KDM4B: variants seen among roughly 807,000 people sequenced by gnomAD.
KDM4B encodes the protein lysine demethylase 4B.
In KDM4B, 32 loss-of-function variants were observed where a neutral mutation model predicts 125.2. The observed-to-expected ratio is 0.26, with a 90% CI of 0.19 to 0.34. The LOEUF (loss-of-function observed/expected upper bound fraction) is 0.34. KDM4B is among the 10% of genes least tolerant of loss of function. The pLI is 1.00. For missense variants in KDM4B, 1,190 were observed against 1,577.7 expected, an observed-to-expected ratio of 0.75 and a Z score of 4.16; for synonymous variants, 721 against 677.9, an observed-to-expected ratio of 1.06 and a Z score of -0.99.
At chr19:5,052,801 G>A (rs1354420669) in intron 6 of KDM4B, among the ~76,000 whole-genome samples, 3 of 152,344 alleles carry the variant, frequency 2.0e-5, no homozygotes, top group South Asian at 2.1e-4. Context: ...GCGCGCTGGC[G>A]CCCGGGGACC....
chr19:4,990,612 G>A (rs939722223), intron 1 of KDM4B, among the ~76,000 whole-genome samples: 1 of 152,196 alleles, frequency 6.6e-6, no homozygotes, highest in African/African-American at 2.4e-5. Context: ...ATGGAAGTTG[G>A]CCTGGGGGTA....
chr19:5,073,979 A>T (rs2038025138), intron 7 of KDM4B: 1 of 152,330 alleles, frequency 6.6e-6, no homozygotes, highest in South Asian at 2.1e-4. Context: ...GTGGTGTTGT[A>T]CATCTGTAGT....
intron 1 of KDM4B, among the ~76,000 whole-genome samples, chr19:4,975,939 A>T (rs2145294674): frequency 6.7e-6 from 1 of 149,280 alleles, no homozygotes; most frequent in South Asian, 2.2e-4. Context: ...TTAGAGTCAT[A>T]TTCTAGCCTT....
intron 2 of KDM4B, among the ~76,000 whole-genome samples, chr19:5,025,071 G>T (rs1262867389): frequency 6.6e-6 from 1 of 152,274 alleles, no homozygotes; most frequent in Non-Finnish European, 1.5e-5. Flanking sequence ...GCCTCAAAAT[G>T]AGTAGAGGGG....
At chr19:5,070,717 T>C (rs985256942) in intron 6 of KDM4B, 2 of 340,266 alleles carry the variant, frequency 5.9e-6, no homozygotes, top group African/African-American at 4.2e-5. Flanking sequence ...CTCCTCGAGG[T>C]GGAGTGCCGC....
rs566051213 is a variant in KDM4B, at chr19:5,096,621, G to A, written c.919-14001G>A. ...CGCCTGTTGCCGCGGTGCCCCCGGC[G>A]GTGTCGGTGGTGCGTGTTGCCATGG... On this transcript the variant is annotated intron_variant, in intron 9 of 22. Coordinates refer to ENST00000159111, the MANE Select transcript of KDM4B (RefSeq NM_015015.3). 2.1e-4 allele frequency among the ~76,000 whole-genome samples: 31 copies of A among 150,442 alleles called. No individual in the cohort carries two copies. In the South Asian group the frequency reaches 4.2e-3, roughly 20 times the overall value.
intron 10 of KDM4B, chr19:5,111,604 G>C (rs780326053): frequency 8.3e-6 from 6 of 719,350 alleles, no homozygotes; most frequent in African/African-American, 1.7e-5. Flanking sequence ...AGGGCTCTGA[G>C]CTGCCCTTGG....
intron 1 of KDM4B, among the ~76,000 whole-genome samples, chr19:4,996,284 C>G (rs188965760): frequency 6.6e-6 from 1 of 152,286 alleles, no homozygotes; most frequent in African/African-American, 2.4e-5. Flanking sequence ...GCTACTGCAC[C>G]GAACTACTTT....
chr19:5,131,644 G>GA, intron 12 of KDM4B, 99 bp downstream of exon 12: 1 of 583,668 alleles, frequency 1.7e-6, no homozygotes, highest in Non-Finnish European at 2.8e-6. Flanking sequence ...GGCGGGGGAG[G>GA]GGGCAGGGAG....
chr19:5,131,501 G>C lies in KDM4B; in HGVS notation c.1741G>C (p.Gly581Arg). Reference sequence around the variant, plus strand: ...GCCAGAGGACGGTGCAGCCAGCAGTGGGGCAGGTCGCATGGAGACCAAAGC... The same window carrying C: ...GCCAGAGGACGGTGCAGCCAGCAGTCGGGCAGGTCGCATGGAGACCAAAGC... ...TGPEDGAASS[G>R]AGRMETKARA... Residue 581 changes from glycine (G) to arginine (R), a missense_variant, in exon 12 of 23, where the codon GGG (glycine) becomes CGG (arginine). Physicochemically the swap from Gly to Arg is moderately radical, Grantham distance 125. Coordinates refer to ENST00000159111, the MANE Select transcript of KDM4B (RefSeq NM_015015.3). 6.3e-7 allele frequency: 1 copy of C among 1,577,664 alleles called. No individual in the cohort carries two copies. The highest frequency in any genetic ancestry group is 8.5e-7 in the Non-Finnish European group (1 of 1,171,150).
At chr19:5,134,655 C>T (rs2039617039) in intron 14 of KDM4B, among the ~76,000 whole-genome samples, 1 of 152,210 alleles carries the variant, frequency 6.6e-6, no homozygotes, top group Non-Finnish European at 1.5e-5. Context: ...AGGACCTGGC[C>T]ACATGCTTTG....
chr19:5,065,124 C>T (rs1436677370), intron 6 of KDM4B, among the ~76,000 whole-genome samples: 4 of 152,238 alleles, frequency 2.6e-5, no homozygotes, highest in African/African-American at 4.8e-5. Flanking sequence ...AGCCCCACTG[C>T]GCAGCGTCAC....
intron 1 of KDM4B, among the ~76,000 whole-genome samples, chr19:5,013,157 G>A (rs192229782): frequency 1.3e-5 from 2 of 152,244 alleles, no homozygotes; most frequent in South Asian, 4.1e-4. Flanking sequence ...GCTGAGGTCT[G>A]TCCAGCTGAG....
At chr19:5,057,026 ATGCGTGTG>A (rs765670910) in intron 6 of KDM4B, among the ~76,000 whole-genome samples, 1 of 124,896 alleles carries the variant, frequency 8.0e-6, no homozygotes, top group Non-Finnish European at 1.6e-5. Context: ...CCAGATATAT[ATGCGTGTG>A]TGTGTGTGTG....
intron 10 of KDM4B, among the ~76,000 whole-genome samples, 186 bp from the exon 11 acceptor site, chr19:5,119,467 C>T (rs1249077225): frequency 6.6e-6 from 1 of 152,212 alleles, no homozygotes; most frequent in East Asian, 1.9e-4. Flanking sequence ...AACACGGCTC[C>T]TGCCCCGCAA....
At chr19:5,047,741 C>T (rs1353602684) in intron 6 of KDM4B, 72 bp downstream of exon 6, 19 of 1,477,218 alleles carry the variant, frequency 1.3e-5, no homozygotes, top group South Asian at 6.1e-5. Context: ...CCCGGGTACA[C>T]GGCTGGGCGC....
At chr19:5,038,801 T>C (rs756753535) in intron 3 of KDM4B, among the ~76,000 whole-genome samples, 1 of 152,260 alleles carries the variant, frequency 6.6e-6, no homozygotes, top group Non-Finnish European at 1.5e-5. Flanking sequence ...CTCTGCACAG[T>C]GCCCAGCTCC....
chr19:5,120,437 G>GC (rs2039338969), intron 11 of KDM4B, among the ~76,000 whole-genome samples: 1 of 152,224 alleles, frequency 6.6e-6, no homozygotes, highest in Admixed American at 6.5e-5. Context: ...GTGAGCTGGG[G>GC]CCCCCGTCAG....
chr19:5,004,553 A>G (rs568299410), intron 1 of KDM4B, among the ~76,000 whole-genome samples: 2 of 152,316 alleles, frequency 1.3e-5, no homozygotes, highest in South Asian at 4.1e-4. Context: ...GGCAGTGTCT[A>G]GACACAGCCA....
Sources: gnomAD v4.1 joint callset for allele counts (sites outside exome capture counted in the v4.1 genomes callset) on GRCh38, gnomAD v4.1.1 for gene constraint, MANE v1.5 for transcripts, NCBI Gene and HGNC (gene_info 2026-07-23, HGNC 2026-07-21) for gene names.